WWOX: variants seen among roughly 807,000 people sequenced by gnomAD.
WWOX encodes the protein WW domain-containing oxidoreductase.
In WWOX, 69 loss-of-function variants were observed where a neutral mutation model predicts 46.2. The ratio of observed to expected loss-of-function variants is 1.49; its 90% CI spans 1.23 to 1.82. The LOEUF (loss-of-function observed/expected upper bound fraction) is 1.82, where lower values mean the gene tolerates loss of function less well. Ranked by LOEUF, WWOX falls within the 40% of genes most tolerant of loss-of-function variation. The pLI, the probability that WWOX is intolerant of heterozygous loss-of-function variation, is 0.00. For missense variants in WWOX, 919 were observed against 542.6 expected (o/e 1.69, Z -6.89); for synonymous variants, 359 against 202.6 (o/e 1.77, Z -6.56).
At chr16:78,594,048 G>A (rs1405140022) in intron 8 of WWOX, among the ~76,000 whole-genome samples, 1 of 152,144 alleles carries the variant, frequency 6.6e-6, no homozygotes, top group Non-Finnish European at 1.5e-5. Flanking sequence ...GTGAGGCGGA[G>A]ATGTGAGATG....
At chr16:78,903,867 G>A (rs549178799) in intron 8 of WWOX, among the ~76,000 whole-genome samples, 2 of 152,272 alleles carry the variant, frequency 1.3e-5, no homozygotes, top group South Asian at 4.2e-4. Flanking sequence ...GAACTCTGTG[G>A]CAGGGGACTG....
rs1567507480 is a variant in WWOX, at chr16:78,710,472, T to TTATA, written c.1056+277720_1056+277721insTATA. Reference sequence around the variant, plus strand: ...TTGATGCAATTAAAGCTAATGGATCTCATATATATATATATATATATATAT... The same window carrying TTATA: ...TTGATGCAATTAAAGCTAATGGATCTTATACATATATATATATATATATATATAT... On this transcript the variant is annotated intron_variant, in intron 8 of 8. Coordinates refer to ENST00000566780, the MANE Select transcript of WWOX (RefSeq NM_016373.4). Among the ~76,000 whole-genome samples, 90 of 29,500 alleles carry TTATA rather than the reference T, an allele frequency of 3.1e-3. 3 individuals are homozygous for TTATA. Among genetic ancestry groups the TTATA allele is most frequent in the African/African-American group, 0.016 (88 of 5,530 alleles). The allele number at this position is 29,500 out of a possible 152,430, so 19.4% of individuals were successfully genotyped here. A position where few individuals can be genotyped will look rare whatever the true frequency, so the allele number is the denominator to read the frequency against.
At chr16:78,944,380 T>C (rs7195069) in intron 8 of WWOX, among the ~76,000 whole-genome samples, 20,468 of 152,148 alleles carry the variant, frequency 0.13, 2,500 homozygotes, top group African/African-American at 0.32. Flanking sequence ...ATCTTCAAGG[T>C]GCTCAAGACA....
chr16:78,239,545 C>G (rs1289308926), intron 5 of WWOX, among the ~76,000 whole-genome samples: 7 of 151,830 alleles, frequency 4.6e-5, no homozygotes, highest in African/African-American at 1.7e-4. Flanking sequence ...AGCTTTTTTT[C>G]TTTTTTTGAG....
chr16:78,449,131 CAG>C (rs552101766), intron 8 of WWOX, among the ~76,000 whole-genome samples: 181 of 152,296 alleles, frequency 1.2e-3, no homozygotes, highest in Non-Finnish European at 1.9e-3. Context: ...TGGTAGGACT[CAG>C]TTCCTTATGG....
chr16:78,100,296 A>G (rs759301500), intron 1 of WWOX: 45 of 1,038,072 alleles, frequency 4.3e-5, no homozygotes, highest in Non-Finnish European at 5.3e-5. Context: ...TCAGTCATCC[A>G]GGCTGGAGTG....
At chr16:79,037,545 C>G (rs768730972) in intron 8 of WWOX, among the ~76,000 whole-genome samples, 8 of 152,114 alleles carry the variant, frequency 5.3e-5, no homozygotes, top group Non-Finnish European at 1.2e-4. Context: ...TGATGAGTGA[C>G]AGAGACCACA....
At chr16:78,893,994 A>G (rs2044646200) in intron 8 of WWOX, among the ~76,000 whole-genome samples, 1 of 146,248 alleles carries the variant, frequency 6.8e-6, no homozygotes, top group Non-Finnish European at 1.5e-5. Context: ...CCTGATTACC[A>G]TAGAGTAATG....
intron 8 of WWOX, chr16:79,203,851 T>C (rs922420378): frequency 1.3e-5 from 2 of 151,360 alleles, no homozygotes; most frequent in African/African-American, 4.9e-5. Flanking sequence ...TGCATACATT[T>C]ATACGCAGTA....
chr16:78,968,133 CCGTGTGG>C (rs2046399234), intron 8 of WWOX, among the ~76,000 whole-genome samples: 7 of 7,362 alleles, frequency 9.5e-4, no homozygotes, highest in Admixed American at 2.5e-3. Flanking sequence ...AGCGCGTGGT[CCGTGTGG>C]CACAGCGCGT....
At chr16:78,743,924 G>C (rs552174903) in intron 8 of WWOX, among the ~76,000 whole-genome samples, 1 of 152,132 alleles carries the variant, frequency 6.6e-6, no homozygotes, top group South Asian at 2.1e-4. Context: ...CTCTATGCTT[G>C]GGCTGCTCCC....
chr16:78,951,744 G>A (rs545484413), intron 8 of WWOX, among the ~76,000 whole-genome samples: 4 of 152,250 alleles, frequency 2.6e-5, no homozygotes, highest in African/African-American at 9.6e-5. Flanking sequence ...GCCCATGGAA[G>A]GGGTGAGAGA....
intron 6 of WWOX, among the ~76,000 whole-genome samples, chr16:78,409,165 G>C (rs995283411): frequency 6.6e-6 from 1 of 152,126 alleles, no homozygotes; most frequent in Non-Finnish European, 1.5e-5. Context: ...TGTGATCAGT[G>C]CTTTTAGAAA....
In WWOX at chr16:78,372,225, A is replaced by G. The variant is rs182255426; in HGVS notation, c.517-14635A>G. Among the ~76,000 whole-genome samples, 943 of 152,146 alleles carry G rather than the reference A, an allele frequency of 6.2e-3. 5 individuals are homozygous for G. The highest frequency in any genetic ancestry group is 7.8e-3 in the Non-Finnish European group (527 of 67,978). Reference sequence around the variant, plus strand: ...TTATTCTCACACAGAGAACATATTCACTTTTCTTCCAAAGGCAGAGTCTCA... The same window carrying G: ...TTATTCTCACACAGAGAACATATTCGCTTTTCTTCCAAAGGCAGAGTCTCA... On this transcript the variant is annotated intron_variant, in intron 5 of 8. Coordinates refer to ENST00000566780, the MANE Select transcript of WWOX (RefSeq NM_016373.4).
rs372183544 is a variant in WWOX, at chr16:78,902,892, A to G, written c.1057-308716A>G. ...ATACAAGGGAAAAGACAGCAAGGAC[A>G]GGACACTTCCTCCTAGTGTCTTGTA... On this transcript the variant is annotated intron_variant, in intron 8 of 8. Coordinates refer to ENST00000566780, the MANE Select transcript of WWOX (RefSeq NM_016373.4). Among the ~76,000 whole-genome samples, 3 of 152,338 alleles carry G rather than the reference A, an allele frequency of 2.0e-5. No individual in the cohort carries two copies. In the East Asian group the frequency reaches 5.8e-4, roughly 29 times the overall value.
At chr16:78,425,426 A>G (rs2083053069) in intron 7 of WWOX, among the ~76,000 whole-genome samples, 1 of 152,222 alleles carries the variant, frequency 6.6e-6, no homozygotes, top group Non-Finnish European at 1.5e-5. Context: ...AAACAATGCA[A>G]TTAGAGCCTG....
chr16:78,802,938 A>AAAAC (rs1567570826), intron 8 of WWOX, among the ~76,000 whole-genome samples: 4 of 97,786 alleles, frequency 4.1e-5, no homozygotes, highest in Non-Finnish European at 4.0e-5. Flanking sequence ...AAAAAAAAAA[A>AAAAC]AAAACAACAA....
chr16:79,110,168 C>G (rs1245833014), intron 8 of WWOX, among the ~76,000 whole-genome samples: 1 of 152,100 alleles, frequency 6.6e-6, no homozygotes, highest in Admixed American at 6.5e-5. Flanking sequence ...TCAAATAATT[C>G]TTCTCACCCA....
At chr16:78,180,582 A>T (rs2042353) in intron 5 of WWOX, among the ~76,000 whole-genome samples, 10 of 151,460 alleles carry the variant, frequency 6.6e-5, no homozygotes, top group Admixed American at 6.6e-4. Flanking sequence ...GAGTAGGGGT[A>T]TATGTTAGGG....
Sources: allele counts gnomAD v4.1 joint callset (sites outside exome capture counted in the v4.1 genomes callset), GRCh38; gene constraint gnomAD v4.1.1; transcripts MANE v1.5; gene names NCBI Gene and HGNC (gene_info 2026-07-23, HGNC 2026-07-21).